The following GFRA1 variants were observed in gnomAD, a reference collection of about 807,000 sequenced individuals.
The protein encoded by GFRA1 is GDNF family receptor alpha 1.
A neutral mutation model predicts 51.6 loss-of-function variants in GFRA1; 16 were observed. The observed-to-expected ratio is 0.31, with a 90% CI of 0.21 to 0.47. The LOEUF is 0.47. Ranked by LOEUF, GFRA1 falls within the 20% of genes least tolerant of loss-of-function variation. The pLI, the probability that GFRA1 is intolerant of heterozygous loss-of-function variation, is 1.00. For missense variants in GFRA1, 530 were observed against 594.3 expected, an observed-to-expected ratio of 0.89 and a Z score of 1.13; for synonymous variants, 270 against 241.3, an observed-to-expected ratio of 1.12 and a Z score of -1.10.
chr10:116,156,888 C>A lies in GFRA1; in HGVS notation c.434-31331G>T, dbSNP rs550830987. On this transcript the variant is annotated intron_variant, in intron 5 of 10. Coordinates refer to ENST00000355422, the MANE Select transcript of GFRA1 (RefSeq NM_005264.8). Reference sequence around the variant, plus strand: ...GGGGGAGGCTTCATTATCTCCTCCCCCAACGCATTGCAAGGGGGTGCCCTC... The same window carrying A: ...GGGGGAGGCTTCATTATCTCCTCCCACAACGCATTGCAAGGGGGTGCCCTC... Among the ~76,000 whole-genome samples the A allele has an allele frequency of 9.2e-5, 14 of 152,252 alleles. No individual in the cohort carries two copies. In the East Asian group the frequency reaches 2.1e-3, roughly 23 times the overall value.
intron 6 of GFRA1, among the ~76,000 whole-genome samples, chr10:116,112,819 C>T (rs1387191105): frequency 6.6e-6 from 1 of 152,206 alleles, no homozygotes; most frequent in African/African-American, 2.4e-5. Context: ...CCTGGAGGGG[C>T]TCCAGCGCTT....
intron 5 of GFRA1, among the ~76,000 whole-genome samples, chr10:116,137,303 T>C (rs1958368675): frequency 6.6e-6 from 1 of 152,200 alleles, no homozygotes; most frequent in Admixed American, 6.5e-5. Flanking sequence ...GTAGCCTAGA[T>C]GATGCTGAGA....
chr10:116,215,732 G>A (rs1965515904), intron 4 of GFRA1, among the ~76,000 whole-genome samples: 1 of 152,126 alleles, frequency 6.6e-6, no homozygotes. Context: ...CAATCAGGTT[G>A]AGCCCAAAGG....
chr10:116,271,912 G>C (rs996112795), intron 2 of GFRA1, 78 bp downstream of exon 2: 103 of 1,157,336 alleles, frequency 8.9e-5, no homozygotes, highest in Non-Finnish European at 6.1e-5. Flanking sequence ...TTTTGGTGCG[G>C]AGGGCGGGGT....
At chr10:116,263,210 A>G (rs1485843439) in intron 4 of GFRA1, among the ~76,000 whole-genome samples, 1 of 152,196 alleles carries the variant, frequency 6.6e-6, no homozygotes, top group Non-Finnish European at 1.5e-5. Flanking sequence ...TGCAAGACAT[A>G]GAATCATCAT....
At chr10:116,267,429 G>A (rs772824495) in intron 4 of GFRA1, among the ~76,000 whole-genome samples, 3 of 152,120 alleles carry the variant, frequency 2.0e-5, no homozygotes, top group Non-Finnish European at 4.4e-5. Flanking sequence ...TCATGCCACT[G>A]CACTCCAGCC....
At chr10:116,235,695 A>G (rs1357593463) in intron 4 of GFRA1, among the ~76,000 whole-genome samples, 2 of 151,954 alleles carry the variant, frequency 1.3e-5, no homozygotes, top group East Asian at 1.9e-4. Context: ...CCTAACCCCA[A>G]TGTGATGGTA....
chr10:116,253,299 C>A (rs1968541754), intron 4 of GFRA1, among the ~76,000 whole-genome samples: 1 of 152,222 alleles, frequency 6.6e-6, no homozygotes, highest in South Asian at 2.1e-4. Flanking sequence ...TCAGCCAGGG[C>A]AGGCACCGGA....
intron 7 of GFRA1, among the ~76,000 whole-genome samples, chr10:116,094,357 A>T (rs1428536528): frequency 6.6e-6 from 1 of 152,090 alleles, no homozygotes; most frequent in Non-Finnish European, 1.5e-5. Flanking sequence ...TTCTCAACTG[A>T]TCTAAATAAA....
At chr10:116,155,506 C>T (rs1050024427) in intron 5 of GFRA1, among the ~76,000 whole-genome samples, 2 of 152,122 alleles carry the variant, frequency 1.3e-5, no homozygotes, top group East Asian at 3.9e-4. Context: ...AGGCTTGTCT[C>T]CCACAACCCA....
chr10:116,231,716 C>G (rs982553429), intron 4 of GFRA1, among the ~76,000 whole-genome samples: 2 of 152,166 alleles, frequency 1.3e-5, no homozygotes, highest in African/African-American at 4.8e-5. Flanking sequence ...GATTCACCTG[C>G]TTAGTGAAGA....
chr10:116,208,809 C>T (rs1964977533), intron 5 of GFRA1, among the ~76,000 whole-genome samples: 1 of 152,180 alleles, frequency 6.6e-6, no homozygotes, highest in Non-Finnish European at 1.5e-5. Context: ...TTTGTGTGGT[C>T]CTGACTTCAT....
chr10:116,165,707 C>T (rs1459631902), intron 5 of GFRA1, among the ~76,000 whole-genome samples: 1 of 146,182 alleles, frequency 6.8e-6, no homozygotes, highest in East Asian at 1.9e-4. Context: ...GAGAAACTCA[C>T]ATTCTCTCTC....
chr10:116,092,636 C>T (rs1464384859), intron 8 of GFRA1, among the ~76,000 whole-genome samples: 1 of 152,122 alleles, frequency 6.6e-6, no homozygotes, highest in African/African-American at 2.4e-5. Context: ...GAACAAAGCT[C>T]TTAGGACACA....
At position 116,213,871 on chromosome 10, in the gene GFRA1, AG is replaced by A. The variant is rs796919231; in HGVS notation, c.419-2227del. Among the ~76,000 whole-genome samples the A allele has an allele frequency of 2.9e-4, 44 of 152,296 alleles. 1 individual carries two copies. Among genetic ancestry groups the A allele is most frequent in the African/African-American group, 1.0e-3 (43 of 41,572 alleles). On this transcript the variant is annotated intron_variant, in intron 4 of 10. Transcript: ENST00000355422. ...AACAGATTGCAGGCTCATAATTCCC[AG>A]GGAATTGGCAAAAACATCACCATTT...
intron 5 of GFRA1, among the ~76,000 whole-genome samples, chr10:116,174,285 G>T (rs1961362879): frequency 6.6e-6 from 1 of 152,170 alleles, no homozygotes; most frequent in Non-Finnish European, 1.5e-5. Context: ...TTCAGCTTCA[G>T]ATATGTCTAT....
At chr10:116,128,619 G>A (rs1171805453) in intron 5 of GFRA1, among the ~76,000 whole-genome samples, 8 of 151,598 alleles carry the variant, frequency 5.3e-5, no homozygotes, top group Non-Finnish European at 8.8e-5. Flanking sequence ...CCAGCTACTC[G>A]GGAGGCTGAG....
chr10:116,244,860 A>G (rs1325614217), intron 4 of GFRA1, among the ~76,000 whole-genome samples: 2 of 152,178 alleles, frequency 1.3e-5, no homozygotes, highest in Non-Finnish European at 2.9e-5. Flanking sequence ...GAAAAATAAA[A>G]TCATACCTAA....
chr10:116,203,863 A>G (rs1397537570), intron 5 of GFRA1, among the ~76,000 whole-genome samples: 1 of 152,236 alleles, frequency 6.6e-6, no homozygotes, highest in African/African-American at 2.4e-5. Flanking sequence ...TGGCTTGCCT[A>G]CGCTATGGGA....
Sources: allele counts gnomAD v4.1 joint callset (sites outside exome capture counted in the v4.1 genomes callset), GRCh38; gene constraint gnomAD v4.1.1; transcripts MANE v1.5; gene names NCBI Gene and HGNC (gene_info 2026-07-23, HGNC 2026-07-21).